The following RSRC1 variants were observed in gnomAD, a reference collection of about 807,000 sequenced individuals.
The protein encoded by RSRC1 is serine/Arginine-related protein 53.
A neutral mutation model predicts 49.1 loss-of-function variants in RSRC1; 39 were observed. The observed-to-expected ratio is 0.79, with a 90% CI of 0.61 to 1.04. The LOEUF (loss-of-function observed/expected upper bound fraction) is 1.04. RSRC1 is among the 50% of genes least tolerant of loss of function. The pLI is 0.00. For synonymous variants in RSRC1, 143 were observed against 130.8 expected, an observed-to-expected ratio of 1.09 and a Z score of -0.63; for missense variants, 388 against 402.4, an observed-to-expected ratio of 0.96 and a Z score of 0.31.
At chr3:158,395,491 A>G (rs1349270163) in intron 6 of RSRC1, among the ~76,000 whole-genome samples, 1 of 152,102 alleles carries the variant, frequency 6.6e-6, no homozygotes, top group African/African-American at 2.4e-5. Flanking sequence ...CAAGCAAAAA[A>G]CAACCCTATA....
intron 6 of RSRC1, among the ~76,000 whole-genome samples, chr3:158,399,443 ACCGCGCCCGGCC>A (rs1733789692): frequency 2.8e-5 from 1 of 35,806 alleles, no homozygotes; most frequent in African/African-American, 1.6e-4. Flanking sequence ...GGCGTGAGCC[ACCGCGCCCGGCC>A]CTATTATTTC....
At chr3:158,330,311 C>T (rs1729472596) in intron 5 of RSRC1, among the ~76,000 whole-genome samples, 2 of 152,194 alleles carry the variant, frequency 1.3e-5, no homozygotes, top group East Asian at 3.9e-4. Context: ...CCGTCTTCTG[C>T]GTCGCTCACT....
At chr3:158,493,899 A>C (rs1224873738) in intron 7 of RSRC1, among the ~76,000 whole-genome samples, 1 of 152,182 alleles carries the variant, frequency 6.6e-6, no homozygotes, top group Non-Finnish European at 1.5e-5. Flanking sequence ...TCGAGTATGG[A>C]GGCATCCTTT....
intron 4 of RSRC1, among the ~76,000 whole-genome samples, chr3:158,276,887 C>T (rs1259389665): frequency 6.6e-6 from 1 of 152,088 alleles, no homozygotes; most frequent in Admixed American, 6.6e-5. Flanking sequence ...CTCTTTTTGC[C>T]TCTGGCTTCC....
chr3:158,350,145 T>C (rs984016244), intron 5 of RSRC1, among the ~76,000 whole-genome samples: 2 of 149,532 alleles, frequency 1.3e-5, no homozygotes, highest in Admixed American at 6.7e-5. Context: ...GTCTGTTTTT[T>C]TACTTAAACA....
intron 5 of RSRC1, among the ~76,000 whole-genome samples, chr3:158,341,968 CT>C (rs1440603247): frequency 6.6e-6 from 1 of 152,194 alleles, no homozygotes; most frequent in Non-Finnish European, 1.5e-5. Flanking sequence ...GGATTTCGGA[CT>C]TGCATGGGCC....
At chr3:158,138,232 A>G (rs530264434) in intron 3 of RSRC1, among the ~76,000 whole-genome samples, 2 of 152,326 alleles carry the variant, frequency 1.3e-5, no homozygotes, top group African/African-American at 4.8e-5. Flanking sequence ...CTATGACCTC[A>G]AATCAGCTGA....
chr3:158,153,514 A>G (rs921012878), intron 3 of RSRC1, among the ~76,000 whole-genome samples: 1 of 152,254 alleles, frequency 6.6e-6, no homozygotes, highest in African/African-American at 2.4e-5. Flanking sequence ...CTGTAACTTA[A>G]TAAGTGATTT....
chr3:158,411,561 A>T (rs191770156), intron 6 of RSRC1, among the ~76,000 whole-genome samples: 2 of 151,628 alleles, frequency 1.3e-5, no homozygotes, highest in Non-Finnish European at 2.9e-5. Context: ...AATGTCACTC[A>T]GGCTGGAGTG....
rs947506252 is a variant in RSRC1 at position 158,462,592 on chromosome 3, G to GA, written c.652+1596dup. On this transcript the variant is annotated intron_variant, in intron 7 of 9. Coordinates refer to ENST00000611884, the MANE Select transcript of RSRC1 (RefSeq NM_001271838.2). ...AAATTTCAAGGTGATTTGTTTTTAT[G>GA]AAAAAAATAATATGAATGCTTATCT... Among the ~76,000 whole-genome samples the GA allele has an allele frequency of 9.2e-5, 14 of 151,738 alleles. No homozygotes were observed. The East Asian group carries it at 1.4e-3, about 15-fold the overall frequency.
At chr3:158,530,909 TA>T (rs1289483722) in intron 7 of RSRC1, among the ~76,000 whole-genome samples, 5 of 30,880 alleles carry the variant, frequency 1.6e-4, no homozygotes, top group African/African-American at 5.0e-4. Context: ...AAAAAAATAA[TA>T]AATAAAAAAA....
intron 2 of RSRC1, among the ~76,000 whole-genome samples, chr3:158,123,529 C>T (rs912077891): frequency 2.0e-5 from 3 of 152,082 alleles, no homozygotes; most frequent in African/African-American, 7.2e-5. Flanking sequence ...AATTCTTGGC[C>T]TCAAGCGATC....
At position 158,252,295 on chromosome 3, in the gene RSRC1, G is replaced by A. The variant is rs571466945; in HGVS notation, c.495-45744G>A. Among the ~76,000 whole-genome samples the A allele has an allele frequency of 7.2e-5, 11 of 151,740 alleles. No individual in the cohort carries two copies. The South Asian group carries it at 2.3e-3, about 32-fold the overall frequency. On this transcript the variant is annotated intron_variant, in intron 4 of 9. Transcript: ENST00000611884. ...TCCTGCCTCAGCCTCCCAAGTAGCT[G>A]GGACTACAGGCACCCGCCACCACGC...
chr3:158,297,699 G>C (rs1727313911), intron 4 of RSRC1, among the ~76,000 whole-genome samples: 1 of 151,164 alleles, frequency 6.6e-6, no homozygotes, highest in South Asian at 2.1e-4. Context: ...ATAAATGTTG[G>C]AAATAAACAA....
At chr3:158,513,946 T>C (rs1432885938) in intron 7 of RSRC1, among the ~76,000 whole-genome samples, 1 of 152,224 alleles carries the variant, frequency 6.6e-6, no homozygotes, top group Non-Finnish European at 1.5e-5. Context: ...TTTGTATTTC[T>C]GTGGGATCGG....
rs533088303 is a variant in RSRC1, at chr3:158,202,401, G to T, written c.321-671G>T. Among the ~76,000 whole-genome samples, 3 of 151,382 alleles carry T rather than the reference G, an allele frequency of 2.0e-5. No individual in the cohort carries two copies. The South Asian group carries it at 6.3e-4, about 32-fold the overall frequency. ...CTCATCTTCATGTTGAATAGGCTCA[G>T]AAGGAAGAGGCAGAGGTGGGGTTTG... is the stretch of plus-strand genomic sequence containing the variant. On this transcript the variant is annotated intron_variant, in intron 3 of 9. Transcript: ENST00000611884.
chr3:158,277,190 A>G lies in RSRC1; in HGVS notation c.495-20849A>G, dbSNP rs185882282. Among the ~76,000 whole-genome samples the G allele has an allele frequency of 1.8e-4, 28 of 152,298 alleles. No homozygotes were observed. The East Asian group carries it at 3.1e-3, about 17-fold the overall frequency. ...TAAAATGCATGAATTTAAAAAATGG[A>G]ATTCCTTTTGGGGAGCTAGCACTTT... On this transcript the variant is annotated intron_variant, in intron 4 of 9. Coordinates refer to ENST00000611884, the MANE Select transcript of RSRC1 (RefSeq NM_001271838.2).
At chr3:158,338,043 G>A (rs1205963106) in intron 5 of RSRC1, among the ~76,000 whole-genome samples, 2 of 152,164 alleles carry the variant, frequency 1.3e-5, no homozygotes, top group African/African-American at 4.8e-5. Flanking sequence ...TCACTGAGGA[G>A]GTAATAGTAT....
chr3:158,122,849 G>A lies in RSRC1; in HGVS notation c.194+551G>A, dbSNP rs1305362681. On this transcript the variant is annotated intron_variant, in intron 2 of 9. Transcript: ENST00000611884. Reference sequence around the variant, plus strand: ...GCGGTGTTTGGTTTTTTGTCCTTGCGATAGTTTGCTGAGAATGATGGTTTC... The same window carrying A: ...GCGGTGTTTGGTTTTTTGTCCTTGCAATAGTTTGCTGAGAATGATGGTTTC... Among the ~76,000 whole-genome samples, 8 of 151,948 alleles carry A rather than the reference G, an allele frequency of 5.3e-5. No individual in the cohort carries two copies. The East Asian group carries it at 9.6e-4, about 18-fold the overall frequency.
Sources: allele counts gnomAD v4.1 joint callset (sites outside exome capture counted in the v4.1 genomes callset), GRCh38; gene constraint gnomAD v4.1.1; transcripts MANE v1.5; gene names NCBI Gene and HGNC (gene_info 2026-07-23, HGNC 2026-07-21).